Variants in SNTG1 observed in about 807,000 individuals in gnomAD.
SNTG1 encodes gamma-1-syntrophin.
A neutral mutation model predicts 74.7 loss-of-function variants in SNTG1; 39 were observed. The observed-to-expected ratio is 0.52, with a 90% CI of 0.40 to 0.68. The LOEUF (loss-of-function observed/expected upper bound fraction) is 0.68. SNTG1 is among the 30% of genes least tolerant of loss of function. SNTG1 has a pLI of 0.00. For missense variants in SNTG1, 685 were observed against 609.5 expected, an observed-to-expected ratio of 1.12 and a Z score of -1.30; for synonymous variants, 254 against 217.1, an observed-to-expected ratio of 1.17 and a Z score of -1.49.
chr8:50,557,101 A>G (rs1242992105), intron 12 of SNTG1, among the ~76,000 whole-genome samples: 1 of 151,078 alleles, frequency 6.6e-6, no homozygotes, highest in Non-Finnish European at 1.5e-5. Context: ...TGCCCTGGAA[A>G]GTGGGGGTGG....
Position 50,395,506 on chromosome 8 carries a change from G to GTTTT in SNTG1, c.27+1255_27+1258dup, listed in dbSNP as rs1554514155. 1.2e-3 allele frequency among the ~76,000 whole-genome samples: 168 copies of GTTTT among 135,624 alleles called. 1 individual carries two copies. The highest frequency in any genetic ancestry group is 2.1e-3 in the Admixed American group (28 of 13,236). 89.0% of individuals were successfully genotyped at this position (135,624 alleles called of 152,430 possible). A position where few individuals can be genotyped will look rare whatever the true frequency, so the allele number is the denominator to read the frequency against. ...TTTAAATTTTAATTGTCTAATTTCTGTTTTTTTTTTTTTTTTTAATGGAGT... is the reference window on the plus strand; with the variant it reads ...TTTAAATTTTAATTGTCTAATTTCTGTTTTTTTTTTTTTTTTTTTTTAATGGAGT... On this transcript the variant is annotated intron_variant, in intron 3 of 18. Transcript: ENST00000642720.
chr8:50,220,220 G>T (rs2084996210), intron 2 of SNTG1, among the ~76,000 whole-genome samples: 1 of 152,012 alleles, frequency 6.6e-6, no homozygotes, highest in East Asian at 1.9e-4. Flanking sequence ...GCCATCTTTG[G>T]GGTAATTTCA....
At chr8:50,153,888 A>T (rs1047383057) in intron 1 of SNTG1, among the ~76,000 whole-genome samples, 2 of 152,138 alleles carry the variant, frequency 1.3e-5, no homozygotes, top group South Asian at 2.1e-4. Context: ...CTGTTCTCAG[A>T]TATCGAACTC....
intron 9 of SNTG1, among the ~76,000 whole-genome samples, chr8:50,510,339 G>T (rs2094057497): frequency 6.6e-6 from 1 of 152,172 alleles, no homozygotes; most frequent in African/African-American, 2.4e-5. Context: ...GAGGATTTTT[G>T]CATCGATGTT....
At chr8:50,004,346 T>A (rs1426399516) in intron 1 of SNTG1, among the ~76,000 whole-genome samples, 1 of 152,182 alleles carries the variant, frequency 6.6e-6, no homozygotes, top group Non-Finnish European at 1.5e-5. Flanking sequence ...GAAAACATGA[T>A]CACTTTAAGC....
At chr8:50,380,664 G>A (rs1052636667) in intron 2 of SNTG1, among the ~76,000 whole-genome samples, 2 of 152,046 alleles carry the variant, frequency 1.3e-5, no homozygotes, top group African/African-American at 4.8e-5. Context: ...CAGTCTCCTG[G>A]GCAATGGAGC....
intron 18 of SNTG1, among the ~76,000 whole-genome samples, chr8:50,784,397 T>C (rs1220860573): frequency 2.0e-5 from 3 of 152,156 alleles, no homozygotes; most frequent in Non-Finnish European, 4.4e-5. Context: ...ATAACTATAG[T>C]AATTTTACAA....
intron 2 of SNTG1, among the ~76,000 whole-genome samples, chr8:50,382,962 G>A: frequency 6.6e-6 from 1 of 151,964 alleles, no homozygotes; most frequent in East Asian, 1.9e-4. Flanking sequence ...TTGCTTTTAG[G>A]GCCTTTCAGT....
At chr8:50,760,759 AAT>A (rs1184452817) in intron 18 of SNTG1, among the ~76,000 whole-genome samples, 1 of 152,046 alleles carries the variant, frequency 6.6e-6, no homozygotes, top group Non-Finnish European at 1.5e-5. Flanking sequence ...ATGCAAATAA[AAT>A]AGAAAATCGA....
chr8:49,999,157 G>T (rs1042468733), intron 1 of SNTG1, among the ~76,000 whole-genome samples: 1 of 152,088 alleles, frequency 6.6e-6, no homozygotes, highest in Non-Finnish European at 1.5e-5. Flanking sequence ...GATCCTCAGA[G>T]GTCTAAAAAG....
At chr8:50,659,411 A>C (rs1244534820) in intron 15 of SNTG1, among the ~76,000 whole-genome samples, 1 of 152,176 alleles carries the variant, frequency 6.6e-6, no homozygotes, top group Non-Finnish European at 1.5e-5. Flanking sequence ...TCTGTATCCA[A>C]GGGGAGCTAA....
At chr8:50,064,752 G>T (rs1017964384) in intron 1 of SNTG1, among the ~76,000 whole-genome samples, 2 of 152,176 alleles carry the variant, frequency 1.3e-5, no homozygotes, top group East Asian at 3.9e-4. Flanking sequence ...CTGACCGGAC[G>T]TTTACCTCCT....
intron 1 of SNTG1, among the ~76,000 whole-genome samples, chr8:50,132,422 T>C (rs961193509): frequency 6.6e-6 from 1 of 152,116 alleles, no homozygotes; most frequent in Non-Finnish European, 1.5e-5. Context: ...TGTGGACCTG[T>C]GAAAACACCA....
chr8:50,168,278 C>A (rs909951060), intron 1 of SNTG1, among the ~76,000 whole-genome samples: 1 of 152,088 alleles, frequency 6.6e-6, no homozygotes, highest in Non-Finnish European at 1.5e-5. Flanking sequence ...AACCAGTTTA[C>A]ATTGTTAACA....
intron 13 of SNTG1, among the ~76,000 whole-genome samples, chr8:50,647,992 A>G (rs1323883759): frequency 6.6e-6 from 1 of 152,066 alleles, no homozygotes; most frequent in Non-Finnish European, 1.5e-5. Context: ...ATGTCTCTTC[A>G]ACTGCGTAAT....
intron 13 of SNTG1, among the ~76,000 whole-genome samples, chr8:50,599,645 G>A (rs1187310126): frequency 2.6e-5 from 4 of 151,948 alleles, no homozygotes; most frequent in Non-Finnish European, 5.9e-5. Flanking sequence ...TTCACTGTTG[G>A]CATTTAGAAA....
At chr8:50,704,882 A>G (rs1478373477) in intron 16 of SNTG1, 130 bp downstream of exon 16, 10 of 1,062,872 alleles carry the variant, frequency 9.4e-6, no homozygotes, top group Admixed American at 8.5e-5. Flanking sequence ...TACATTCTAT[A>G]ATTAGCCATT....
intron 18 of SNTG1, among the ~76,000 whole-genome samples, chr8:50,779,794 A>G (rs1338329978): frequency 6.6e-6 from 1 of 151,978 alleles, no homozygotes; most frequent in Non-Finnish European, 1.5e-5. Flanking sequence ...TTTCAAAGGG[A>G]ATGCTTCCAG....
chr8:50,502,892 T>G lies in SNTG1; in HGVS notation c.466+12T>G. On this transcript the variant is annotated intron_variant, in intron 9 of 18. Transcript: ENST00000642720. Reference sequence around the variant, plus strand: ...TGAAGATTGTGCATGTAAGCATTTATAAAGAATAGATAAAAGTGCTCACAT... The same window carrying G: ...TGAAGATTGTGCATGTAAGCATTTAGAAAGAATAGATAAAAGTGCTCACAT... 6.3e-7 allele frequency: 1 copy of G among 1,592,780 alleles called. No homozygotes were observed. The highest frequency in any genetic ancestry group is 8.6e-7 in the Non-Finnish European group (1 of 1,162,284).
Sources: allele counts gnomAD v4.1 joint callset (sites outside exome capture counted in the v4.1 genomes callset), GRCh38; gene constraint gnomAD v4.1.1; transcripts MANE v1.5; gene names NCBI Gene and HGNC (gene_info 2026-07-23, HGNC 2026-07-21).